The following KCTD8 variants were observed in gnomAD, a reference collection of about 807,000 sequenced individuals.
KCTD8 encodes BTB/POZ domain-containing protein KCTD8.
A neutral mutation model predicts 31.5 loss-of-function variants in KCTD8; 27 were observed. The ratio of observed to expected loss-of-function variants is 0.86; its 90% CI spans 0.63 to 1.18. The LOEUF is 1.18. Among genes scored for constraint, KCTD8 ranks in the 50% most tolerant of loss-of-function variants. KCTD8 has a pLI of 0.00. For synonymous variants in KCTD8, 290 were observed against 280.0 expected, an observed-to-expected ratio of 1.04 and a Z score of -0.36; for missense variants, 658 against 647.7, an observed-to-expected ratio of 1.02 and a Z score of -0.17.
At chr4:44,257,241 A>G (rs968270839) in intron 1 of KCTD8, among the ~76,000 whole-genome samples, 6 of 152,050 alleles carry the variant, frequency 3.9e-5, no homozygotes, top group Non-Finnish European at 7.4e-5. Context: ...AGGTTAAAAT[A>G]TAAATTTAAA....
At chr4:44,273,516 C>T (rs1003447071) in intron 1 of KCTD8, among the ~76,000 whole-genome samples, 3 of 151,864 alleles carry the variant, frequency 2.0e-5, no homozygotes, top group African/African-American at 7.2e-5. Context: ...TTGAAAATGT[C>T]TCTCATTCCA....
At chr4:44,227,199 CTTGAG>C (rs1194629187) in intron 1 of KCTD8, among the ~76,000 whole-genome samples, 2 of 152,104 alleles carry the variant, frequency 1.3e-5, no homozygotes, top group Non-Finnish European at 2.9e-5. Flanking sequence ...TTTAATCCAT[CTTGAG>C]TTAATTTTTG....
intron 1 of KCTD8, among the ~76,000 whole-genome samples, chr4:44,296,069 G>A (rs769236425): frequency 1.3e-5 from 2 of 152,014 alleles, no homozygotes; most frequent in Non-Finnish European, 2.9e-5. Context: ...TGTTTTTAAC[G>A]TAATTTTGCA....
intron 1 of KCTD8, among the ~76,000 whole-genome samples, chr4:44,365,093 A>G (rs1719594605): frequency 1.3e-5 from 2 of 152,286 alleles, no homozygotes; most frequent in Middle Eastern, 3.4e-3. Flanking sequence ...GTGTTTTAAT[A>G]TTGGTTAATC....
At chr4:44,215,471 A>C (rs1392093710) in intron 1 of KCTD8, among the ~76,000 whole-genome samples, 1 of 152,206 alleles carries the variant, frequency 6.6e-6, no homozygotes, top group African/African-American at 2.4e-5. Context: ...ACATTCTTTT[A>C]AATCATTTAT....
chr4:44,357,975 T>C (rs1719389077), intron 1 of KCTD8, among the ~76,000 whole-genome samples: 1 of 152,048 alleles, frequency 6.6e-6, no homozygotes, highest in South Asian at 2.1e-4. Flanking sequence ...GGTATACACA[T>C]GCCATGGTGG....
intron 1 of KCTD8, among the ~76,000 whole-genome samples, chr4:44,330,311 C>T (rs913743632): frequency 4.0e-5 from 6 of 151,862 alleles, no homozygotes; most frequent in Non-Finnish European, 7.4e-5. Context: ...CAGAACAATG[C>T]TGTCCTTATT....
At chr4:44,371,577 T>C (rs557489185) in intron 1 of KCTD8, among the ~76,000 whole-genome samples, 7 of 152,300 alleles carry the variant, frequency 4.6e-5, no homozygotes, top group Admixed American at 3.3e-4. Flanking sequence ...CATTGGAGGC[T>C]ATTCCCAATT....
chr4:44,384,902 C>T (rs754689683), intron 1 of KCTD8, among the ~76,000 whole-genome samples: 4 of 150,490 alleles, frequency 2.7e-5, no homozygotes, highest in Non-Finnish European at 5.9e-5. Context: ...AGGGTATCCG[C>T]ATAAATATGT....
chr4:44,343,839 T>A (rs1422948214), intron 1 of KCTD8, among the ~76,000 whole-genome samples: 1 of 152,054 alleles, frequency 6.6e-6, no homozygotes, highest in Non-Finnish European at 1.5e-5. Context: ...TTACAGGGTT[T>A]TTTTTGTTGT....
intron 1 of KCTD8, among the ~76,000 whole-genome samples, chr4:44,257,621 T>C (rs1716025645): frequency 6.6e-6 from 1 of 152,062 alleles, no homozygotes; most frequent in Non-Finnish European, 1.5e-5. Flanking sequence ...TACTTTTAGC[T>C]ATAGTCACTT....
At chr4:44,225,007 G>T (rs570344504) in intron 1 of KCTD8, among the ~76,000 whole-genome samples, 1 of 152,110 alleles carries the variant, frequency 6.6e-6, no homozygotes, top group African/African-American at 2.4e-5. Context: ...TTTAAGGGGG[G>T]TTGAGAAATA....
chr4:44,418,730 A>C (rs528444167), intron 1 of KCTD8, among the ~76,000 whole-genome samples: 24 of 152,288 alleles, frequency 1.6e-4, no homozygotes, highest in African/African-American at 5.5e-4. Flanking sequence ...ATCAAATCAC[A>C]CTTAAAACCT....
In KCTD8 at chr4:44,448,445, C is replaced by G. The variant is rs774774590; in HGVS notation, c.79G>C (p.Gly27Arg). The change falls in exon 1 of 2, where the codon GGC (glycine) becomes CGC (arginine). Residue 27 changes from glycine to arginine, a missense_variant. Physicochemically the swap from Gly to Arg is moderately radical, Grantham distance 125. Coordinates refer to ENST00000360029, the MANE Select transcript of KCTD8 (RefSeq NM_198353.3). The surrounding 1 kb of genome is among the most constrained non-coding windows in gnomAD (Gnocchi z 4.1). ...SEMVSSSSSP[G>R]ASAAAAPGPC... is the part of the protein sequence containing the mutation. ...CCCGGGGCGGCGGCGGCCGACGCGC[C>G]GGGCGAGCTGGACGAGGAAACCATC... The G allele has an allele frequency of 5.8e-6, 9 of 1,545,606 alleles. No individual in the cohort carries two copies. The highest frequency in any genetic ancestry group is 7.8e-6 in the Non-Finnish European group (9 of 1,154,234).
At chr4:44,381,669 A>C (rs1481823019) in intron 1 of KCTD8, among the ~76,000 whole-genome samples, 5 of 152,182 alleles carry the variant, frequency 3.3e-5, no homozygotes, top group Admixed American at 6.6e-5. Context: ...TCATAGAGGC[A>C]GATCCCTCAT....
intron 1 of KCTD8, among the ~76,000 whole-genome samples, chr4:44,352,662 AAAGT>A (rs972333264): frequency 6.6e-6 from 1 of 151,422 alleles, no homozygotes; most frequent in Non-Finnish European, 1.5e-5. Flanking sequence ...ATGAGAAAAG[AAAGT>A]ATTATATAAT....
At chr4:44,346,832 G>A (rs1383003677) in intron 1 of KCTD8, among the ~76,000 whole-genome samples, 1 of 152,078 alleles carries the variant, frequency 6.6e-6, no homozygotes, top group African/African-American at 2.4e-5. Context: ...TTACTACAAG[G>A]GATTGGAATT....
intron 1 of KCTD8, among the ~76,000 whole-genome samples, chr4:44,296,047 T>C (rs188025655): frequency 9.5e-4 from 145 of 152,294 alleles, no homozygotes; most frequent in African/African-American, 3.3e-3. Context: ...CCAATTCTTA[T>C]AGGATCATAT....
intron 1 of KCTD8, among the ~76,000 whole-genome samples, chr4:44,265,853 A>C (rs1459849181): frequency 6.6e-6 from 1 of 152,214 alleles, no homozygotes; most frequent in East Asian, 1.9e-4. Flanking sequence ...AAAAAGAATA[A>C]AAAGAAATGA....
Sources: allele counts gnomAD v4.1 joint callset (sites outside exome capture counted in the v4.1 genomes callset), GRCh38; gene constraint gnomAD v4.1.1; non-coding constraint Gnocchi (gnomAD v3.1); transcripts MANE v1.5; gene names NCBI Gene and HGNC (gene_info 2026-07-23, HGNC 2026-07-21).